The following STPG2 variants were observed in gnomAD, a reference collection of about 807,000 sequenced individuals.
STPG2 encodes sperm-tail PG-rich repeat-containing protein 2.
Under a neutral mutation model 54.2 loss-of-function variants are expected in STPG2, and 56 were observed. The ratio of observed to expected loss-of-function variants is 1.03; its 90% confidence interval spans 0.83 to 1.29. The LOEUF (loss-of-function observed/expected upper bound fraction) is 1.29, where lower values mean the gene tolerates loss of function less well. STPG2 is among the 50% of genes most tolerant of loss of function. The pLI is 0.00. For synonymous variants in STPG2, 200 were observed against 181.8 expected (o/e 1.10, Z -0.81); for missense variants, 596 against 544.9 (o/e 1.09, Z -0.93).
At chr4:97,800,453 AC>A (rs1243845693) in intron 9 of STPG2, among the ~76,000 whole-genome samples, 2 of 152,138 alleles carry the variant, frequency 1.3e-5, no homozygotes, top group African/African-American at 4.8e-5. Context: ...TCCACTCCAG[AC>A]CCTTTTTATC....
At chr4:97,601,130 C>T (rs2148906576) in intron 10 of STPG2, among the ~76,000 whole-genome samples, 1 of 152,116 alleles carries the variant, frequency 6.6e-6, no homozygotes, top group East Asian at 1.9e-4. Context: ...GTTGCAGGAA[C>T]TTCAAAATAA....
chr4:97,742,701 C>T (rs1472609103), intron 9 of STPG2, among the ~76,000 whole-genome samples: 1 of 150,008 alleles, frequency 6.7e-6, no homozygotes, highest in Non-Finnish European at 1.5e-5. Context: ...ATTTTGCTTA[C>T]GTGTGGAATA....
intron 1 of STPG2, among the ~76,000 whole-genome samples, chr4:98,142,630 TA>T (rs1224956060): frequency 2.0e-5 from 3 of 151,998 alleles, no homozygotes; most frequent in Non-Finnish European, 4.4e-5. Flanking sequence ...TACATCTTAA[TA>T]AATAAATGTC....
At chr4:98,059,896 T>C (rs1737590956) in intron 5 of STPG2, among the ~76,000 whole-genome samples, 1 of 152,110 alleles carries the variant, frequency 6.6e-6, no homozygotes, top group Non-Finnish European at 1.5e-5. Flanking sequence ...ATAAACTAGA[T>C]ATTGAAGAAA....
chr4:97,537,589 G>A (rs1731567291), intron 4 of STPG2, among the ~76,000 whole-genome samples: 2 of 152,190 alleles, frequency 1.3e-5, no homozygotes, highest in South Asian at 4.1e-4. Flanking sequence ...AAGGAGGCCT[G>A]CCTGCTTCTG....
At chr4:97,684,841 CAT>C in intron 10 of STPG2, among the ~76,000 whole-genome samples, 1 of 151,776 alleles carries the variant, frequency 6.6e-6, no homozygotes. Flanking sequence ...ATTTTCAAAA[CAT>C]ATATATTTTA....
intron 4 of STPG2, among the ~76,000 whole-genome samples, chr4:97,542,039 AC>A (rs1371321393): frequency 8.5e-5 from 13 of 152,198 alleles, no homozygotes; most frequent in Non-Finnish European, 1.8e-4. Flanking sequence ...TCTAGGCAAT[AC>A]CATTCAGGAC....
At chr4:97,904,364 G>C (rs1207287505) in intron 8 of STPG2, among the ~76,000 whole-genome samples, 1 of 152,064 alleles carries the variant, frequency 6.6e-6, no homozygotes, top group Non-Finnish European at 1.5e-5. Flanking sequence ...CGGCTGGCCA[G>C]GTACTCCAAC....
rs1739181092 is a variant in STPG2, at chr4:98,106,082, AG to A, written c.501-19del. The A allele has an allele frequency of 1.5e-6, 2 of 1,364,582 alleles. No homozygotes were observed. Among genetic ancestry groups the A allele is most frequent in the South Asian group, 2.7e-5 (2 of 72,788 alleles). The allele number at this position is 1,364,582 out of a possible 1,614,324, so 84.5% of individuals were successfully genotyped here. A position where few individuals can be genotyped will look rare whatever the true frequency, so the allele number is the denominator to read the frequency against. Reference sequence around the variant, plus strand: ...TCTTTTTCCTTCAGAAAATTCAAATAGAAATTAAGAATTCTCAATTTTAAAC... The same window carrying A: ...TCTTTTTCCTTCAGAAAATTCAAATAAAATTAAGAATTCTCAATTTTAAAC... On this transcript the variant is annotated intron_variant, in intron 4 of 10. Transcript: ENST00000295268.
At chr4:97,679,814 G>T (rs1171642119) in intron 10 of STPG2, among the ~76,000 whole-genome samples, 2 of 152,090 alleles carry the variant, frequency 1.3e-5, no homozygotes, top group Admixed American at 1.3e-4. Context: ...TAAGGTGTAA[G>T]GAAGGGATCC....
chr4:97,549,080 G>C (rs1036121265), intron 4 of STPG2, among the ~76,000 whole-genome samples: 1 of 36,298 alleles, frequency 2.8e-5, no homozygotes, highest in Non-Finnish European at 4.9e-5. Context: ...AATGAGTTCA[G>C]ACATGGTATT....
chr4:97,687,320 CT>C (rs33977046), intron 10 of STPG2, among the ~76,000 whole-genome samples: 86,053 of 146,126 alleles, frequency 0.59, 25,193 homozygotes, highest in South Asian at 0.68. Flanking sequence ...TGCACTGAAT[CT>C]TTTTTTTTTT....
intron 4 of STPG2, among the ~76,000 whole-genome samples, chr4:97,477,702 C>T (rs1578329194): frequency 6.6e-6 from 1 of 150,880 alleles, no homozygotes; most frequent in Admixed American, 6.6e-5. Flanking sequence ...ATGTTAGCCA[C>T]GATGGTCTCA....
chr4:97,634,022 C>T (rs1160402719), intron 10 of STPG2, among the ~76,000 whole-genome samples: 1 of 152,206 alleles, frequency 6.6e-6, no homozygotes, highest in Non-Finnish European at 1.5e-5. Context: ...CCTCTCTAGG[C>T]TCCACCTCTG....
chr4:97,983,298 C>A (rs1734734135), intron 5 of STPG2, among the ~76,000 whole-genome samples: 1 of 152,158 alleles, frequency 6.6e-6, no homozygotes, highest in Non-Finnish European at 1.5e-5. Flanking sequence ...GTACATAACA[C>A]ATATAACATA....
intron 4 of STPG2, among the ~76,000 whole-genome samples, chr4:97,482,079 C>A (rs552690592): frequency 6.6e-6 from 1 of 151,468 alleles, no homozygotes; most frequent in Non-Finnish European, 1.5e-5. Flanking sequence ...TTTTTGGTAT[C>A]TTTTAAGATA....
intron 10 of STPG2, among the ~76,000 whole-genome samples, chr4:97,709,878 T>C (rs1233309206): frequency 6.6e-6 from 1 of 151,902 alleles, no homozygotes; most frequent in Non-Finnish European, 1.5e-5. Context: ...GAGGAAAAAT[T>C]TATGTCTAGA....
chr4:98,122,015 C>T (rs569795285), intron 3 of STPG2, among the ~76,000 whole-genome samples: 30 of 152,166 alleles, frequency 2.0e-4, no homozygotes, highest in Non-Finnish European at 3.5e-4. Context: ...CCACCACACT[C>T]GACCAAATGC....
intron 10 of STPG2, among the ~76,000 whole-genome samples, chr4:97,668,348 G>T (rs186430708): frequency 6.6e-6 from 1 of 152,120 alleles, no homozygotes; most frequent in African/African-American, 2.4e-5. Context: ...CATCTTGATG[G>T]CTAGGCTAAG....
Sources: allele counts gnomAD v4.1 joint callset (sites outside exome capture counted in the v4.1 genomes callset), GRCh38; gene constraint gnomAD v4.1.1; transcripts MANE v1.5; gene names NCBI Gene and HGNC (gene_info 2026-07-23, HGNC 2026-07-21).